KCNQ5: variants seen among roughly 807,000 people sequenced by gnomAD.
The protein encoded by KCNQ5 is potassium voltage-gated channel subfamily Q member 5.
In KCNQ5, 30 loss-of-function variants were observed where a neutral mutation model predicts 98.2. The ratio of observed to expected loss-of-function variants is 0.31; its 90% CI spans 0.23 to 0.41. The LOEUF (loss-of-function observed/expected upper bound fraction) is 0.41, where lower values mean the gene tolerates loss of function less well. Ranked by LOEUF, KCNQ5 falls within the 10% of genes least tolerant of loss-of-function variation. The pLI is 1.00. For synonymous variants in KCNQ5, 458 were observed against 449.4 expected, an observed-to-expected ratio of 1.02 and a Z score of -0.24; for missense variants, 835 against 1,182.5, an observed-to-expected ratio of 0.71 and a Z score of 4.31.
rs947192673 is a variant in KCNQ5, at chr6:72,761,889, C to T, written c.398+139302C>T. Among the ~76,000 whole-genome samples the T allele has an allele frequency of 6.6e-5, 10 of 152,110 alleles. No homozygotes were observed. The South Asian group carries it at 1.5e-3, about 22-fold the overall frequency. Reference sequence around the variant, plus strand: ...AGTGGCTAGAAACAAACCTTTGATACGTAGAAGTCCCCCAGATTCCTAGAT... The same window carrying T: ...AGTGGCTAGAAACAAACCTTTGATATGTAGAAGTCCCCCAGATTCCTAGAT... On this transcript the variant is annotated intron_variant, in intron 1 of 13. Transcript: ENST00000370398.
chr6:72,881,301 C>G (rs1778627479), intron 1 of KCNQ5, among the ~76,000 whole-genome samples: 1 of 152,152 alleles, frequency 6.6e-6, no homozygotes. Context: ...AATGGTAGAC[C>G]ATCAACTAGT....
chr6:72,883,092 C>G (rs1298302373), intron 1 of KCNQ5, among the ~76,000 whole-genome samples: 5 of 152,158 alleles, frequency 3.3e-5, no homozygotes, highest in Admixed American at 3.3e-4. Flanking sequence ...TAGTTGTGAA[C>G]CTTATGTTCA....
chr6:72,860,660 G>T (rs1004804205), intron 1 of KCNQ5, among the ~76,000 whole-genome samples: 14 of 152,010 alleles, frequency 9.2e-5, no homozygotes, highest in Admixed American at 6.6e-4. Flanking sequence ...TCTACTACAA[G>T]AACTTTAATC....
intron 5 of KCNQ5, among the ~76,000 whole-genome samples, chr6:73,100,419 C>A (rs768563747): frequency 6.6e-6 from 1 of 152,128 alleles, no homozygotes; most frequent in African/African-American, 2.4e-5. Flanking sequence ...GTAATCCCAG[C>A]ACTTTGGGAG....
intron 1 of KCNQ5, among the ~76,000 whole-genome samples, chr6:72,827,186 G>A (rs1301488846): frequency 7.9e-5 from 12 of 152,054 alleles, no homozygotes; most frequent in Admixed American, 7.9e-4. Flanking sequence ...CAATAAACAT[G>A]GGGGTGCAGA....
chr6:73,137,880 C>T (rs970771661), intron 10 of KCNQ5, among the ~76,000 whole-genome samples: 2 of 152,060 alleles, frequency 1.3e-5, no homozygotes, highest in Non-Finnish European at 2.9e-5. Flanking sequence ...CATTTCTTCC[C>T]CTCCCCCAAC....
At chr6:72,962,575 C>A (rs1767428312) in intron 1 of KCNQ5, among the ~76,000 whole-genome samples, 1 of 152,110 alleles carries the variant, frequency 6.6e-6, no homozygotes, top group South Asian at 2.1e-4. Context: ...GCATGGTGGC[C>A]TTGAAAGGCA....
chr6:72,972,141 C>A (rs1713235942), intron 1 of KCNQ5, among the ~76,000 whole-genome samples: 1 of 152,148 alleles, frequency 6.6e-6, no homozygotes, highest in Non-Finnish European at 1.5e-5. Context: ...CCCTAACCAA[C>A]AAGTGCCTCA....
At chr6:73,035,479 A>T (rs750535703) in intron 2 of KCNQ5, among the ~76,000 whole-genome samples, 1 of 152,198 alleles carries the variant, frequency 6.6e-6, no homozygotes, top group Non-Finnish European at 1.5e-5. Flanking sequence ...TTTCAACTAA[A>T]ACCAAGCAAG....
intron 1 of KCNQ5, among the ~76,000 whole-genome samples, chr6:72,779,203 G>C (rs1773322313): frequency 6.6e-6 from 1 of 152,188 alleles, no homozygotes; most frequent in African/African-American, 2.4e-5. Flanking sequence ...TGCCCCCCTA[G>C]AAAGCTGGTG....
At chr6:72,863,117 T>C (rs747451846) in intron 1 of KCNQ5, among the ~76,000 whole-genome samples, 2 of 151,960 alleles carry the variant, frequency 1.3e-5, no homozygotes, top group Non-Finnish European at 2.9e-5. Flanking sequence ...CCCTGTAAAG[T>C]GTAGAGGATG....
chr6:72,750,521 C>A (rs563092638), intron 1 of KCNQ5, among the ~76,000 whole-genome samples: 4 of 152,068 alleles, frequency 2.6e-5, no homozygotes, highest in Admixed American at 2.6e-4. Flanking sequence ...ATAGACTGAG[C>A]TGTAGAAAAT....
chr6:73,005,450 A>T (rs998536612), intron 2 of KCNQ5, among the ~76,000 whole-genome samples: 2 of 152,202 alleles, frequency 1.3e-5, no homozygotes, highest in African/African-American at 4.8e-5. Flanking sequence ...GAATAAATCA[A>T]TCATTAGGAA....
chr6:72,871,887 G>A (rs779293315), intron 1 of KCNQ5, among the ~76,000 whole-genome samples: 1 of 152,114 alleles, frequency 6.6e-6, no homozygotes, highest in Non-Finnish European at 1.5e-5. Context: ...TCCTCAGACA[G>A]ATCGTTGAAA....
chr6:73,065,414 G>T (rs1773003577), intron 3 of KCNQ5, among the ~76,000 whole-genome samples: 1 of 152,124 alleles, frequency 6.6e-6, no homozygotes, highest in Non-Finnish European at 1.5e-5. Flanking sequence ...CTCTTGTAAT[G>T]CTGCTCTCAC....
At chr6:73,109,562 G>A (rs1191353241) in intron 6 of KCNQ5, among the ~76,000 whole-genome samples, 1 of 152,144 alleles carries the variant, frequency 6.6e-6, no homozygotes, top group Non-Finnish European at 1.5e-5. Flanking sequence ...ATCTTACACA[G>A]CAGAAAAAAA....
At chr6:72,935,003 A>C (rs2150232919) in intron 1 of KCNQ5, among the ~76,000 whole-genome samples, 1 of 151,722 alleles carries the variant, frequency 6.6e-6, no homozygotes, top group Non-Finnish European at 1.5e-5. Context: ...CCTTGCAATG[A>C]ATCCGCTTTC....
chr6:73,076,322 C>G (rs1773540919), intron 3 of KCNQ5, among the ~76,000 whole-genome samples: 1 of 152,120 alleles, frequency 6.6e-6, no homozygotes, highest in African/African-American at 2.4e-5. Flanking sequence ...TGTGGAAGCC[C>G]AGTCATGCAC....
intron 1 of KCNQ5, among the ~76,000 whole-genome samples, chr6:72,771,652 CTG>C (rs150518788): frequency 0.08 from 11,852 of 147,648 alleles, 455 homozygotes; most frequent in Middle Eastern, 0.11. Context: ...AACCATTTCA[CTG>C]TGTGTGTGTG....
Sources: allele counts gnomAD v4.1 joint callset (sites outside exome capture counted in the v4.1 genomes callset), GRCh38; gene constraint gnomAD v4.1.1; transcripts MANE v1.5; gene names NCBI Gene and HGNC (gene_info 2026-07-23, HGNC 2026-07-21).